TTC28: variants seen among roughly 807,000 people sequenced by gnomAD.
TTC28 encodes the protein tetratricopeptide repeat domain 28, also known as tetratricopeptide repeat protein 28.
A neutral mutation model predicts 198.0 loss-of-function variants in TTC28; 61 were observed. The observed-to-expected ratio is 0.31, with a 90% CI of 0.25 to 0.38. The LOEUF (loss-of-function observed/expected upper bound fraction) is 0.38, where lower values mean the gene tolerates loss of function less well. Among genes scored for constraint, TTC28 ranks in the 10% least tolerant of loss-of-function variants. The probability of loss-of-function intolerance (pLI) is 1.00; values close to 1 mark genes in which losing one functional copy is unlikely to be tolerated. For synonymous variants in TTC28, 1,171 were observed against 1,297.8 expected, an observed-to-expected ratio of 0.90 and a Z score of 2.10; for missense variants, 2,678 against 3,164.0, an observed-to-expected ratio of 0.85 and a Z score of 3.69.
intron 12 of TTC28, among the ~76,000 whole-genome samples, chr22:28,063,848 G>A (rs1940646686): frequency 6.6e-6 from 1 of 152,082 alleles, no homozygotes; most frequent in Non-Finnish European, 1.5e-5. Context: ...CCTAGCATGT[G>A]AGGGAATGGA....
chr22:28,506,937 A>C (rs2048621475), intron 2 of TTC28, among the ~76,000 whole-genome samples: 1 of 152,244 alleles, frequency 6.6e-6, no homozygotes, highest in Non-Finnish European at 1.5e-5. Flanking sequence ...AAAGTAGATA[A>C]ACCCACAAAG....
intron 5 of TTC28, among the ~76,000 whole-genome samples, chr22:28,264,634 C>T (rs1931556527): frequency 1.3e-5 from 2 of 152,048 alleles, no homozygotes; most frequent in African/African-American, 4.8e-5. Flanking sequence ...CGCACACACG[C>T]ATGCACGTGT....
At chr22:28,180,747 T>C (rs1923617358) in intron 5 of TTC28, among the ~76,000 whole-genome samples, 1 of 152,200 alleles carries the variant, frequency 6.6e-6, no homozygotes, top group Non-Finnish European at 1.5e-5. Flanking sequence ...AAAAACTTCC[T>C]GAGTGGGATC....
chr22:28,103,305 G>A (rs1365591760), intron 8 of TTC28, among the ~76,000 whole-genome samples: 6 of 152,186 alleles, frequency 3.9e-5, no homozygotes, highest in Non-Finnish European at 8.8e-5. Context: ...AGAAGAGGAA[G>A]GGCTGGGTGA....
At chr22:28,249,032 G>GT (rs1338988171) in intron 5 of TTC28, among the ~76,000 whole-genome samples, 3 of 152,020 alleles carry the variant, frequency 2.0e-5, no homozygotes, top group Non-Finnish European at 4.4e-5. Flanking sequence ...GATTTGTACT[G>GT]TATTATATAA....
intron 12 of TTC28, among the ~76,000 whole-genome samples, chr22:28,065,200 C>T (rs762760166): frequency 2.0e-5 from 3 of 152,140 alleles, no homozygotes; most frequent in South Asian, 4.1e-4. Flanking sequence ...TATGGACACA[C>T]GTTCTCTTCC....
In TTC28 at chr22:28,046,834, G is replaced by A. The variant is rs560772522; in HGVS notation, c.3933-16468C>T. Among the ~76,000 whole-genome samples the A allele has an allele frequency of 2.6e-5, 4 of 152,318 alleles. No homozygotes were observed. In the East Asian group the frequency reaches 7.7e-4, roughly 29 times the overall value. ...CAATATATACACAGGCTGCATGATT[G>A]TTGTATGTGTGGATATACGTGCATG... is the stretch of plus-strand genomic sequence containing the variant. On this transcript the variant is annotated intron_variant, in intron 12 of 22. Coordinates refer to ENST00000397906, the MANE Select transcript of TTC28 (RefSeq NM_001145418.2).
intron 2 of TTC28, among the ~76,000 whole-genome samples, chr22:28,520,023 G>A (rs1455336519): frequency 6.6e-6 from 1 of 152,146 alleles, no homozygotes; most frequent in African/African-American, 2.4e-5. Flanking sequence ...CTATTTTACA[G>A]TTCTAATATT....
At chr22:28,634,826 C>A (rs1037715406) in intron 1 of TTC28, among the ~76,000 whole-genome samples, 3 of 151,578 alleles carry the variant, frequency 2.0e-5, no homozygotes, top group African/African-American at 7.3e-5. Flanking sequence ...CTCAAGTGAT[C>A]CACCCACCCT....
chr22:28,401,747 C>A (rs190922358), intron 2 of TTC28, among the ~76,000 whole-genome samples: 129 of 152,130 alleles, frequency 8.5e-4, no homozygotes, highest in African/African-American at 2.9e-3. Context: ...CCAGCCTAGG[C>A]AACAAAAGCG....
chr22:28,513,504 T>C (rs1466952639), intron 2 of TTC28, among the ~76,000 whole-genome samples: 1 of 152,172 alleles, frequency 6.6e-6, no homozygotes, highest in African/African-American at 2.4e-5. Flanking sequence ...CTTGGAAGGC[T>C]GAGGCAGGAG....
At chr22:28,175,242 C>G (rs541113648) in intron 5 of TTC28, among the ~76,000 whole-genome samples, 4 of 152,148 alleles carry the variant, frequency 2.6e-5, no homozygotes, top group South Asian at 2.1e-4. Flanking sequence ...GCACAGGCAA[C>G]AAAAGCAAAA....
intron 2 of TTC28, among the ~76,000 whole-genome samples, chr22:28,574,782 T>C (rs185430076): frequency 1.9e-4 from 29 of 152,320 alleles, no homozygotes; most frequent in African/African-American, 6.7e-4. Context: ...AACAATGATG[T>C]TGAACAGCTT....
intron 1 of TTC28, among the ~76,000 whole-genome samples, chr22:28,654,801 A>C (rs2051618618): frequency 6.6e-6 from 1 of 152,214 alleles, no homozygotes; most frequent in African/African-American, 2.4e-5. Context: ...TTTCTAAGCT[A>C]AATGCCCTAA....
chr22:27,982,549 C>T lies in TTC28; in HGVS notation c.7118G>A (p.Gly2373Glu), dbSNP rs1390458295. ...AGCCCCCCGGAAGATCTTCATTGGC[C>T]CTGTGGAATGCTGGGGTGTGCTCTG... ...FWQSTPQHST[G>E]PMKIFRGAPG... is the part of the protein sequence containing the mutation. The change falls in exon 23 of 23, where the codon GGG becomes GAG. Residue 2373 changes from glycine to glutamate, a missense_variant. Gly to Glu is a moderately conservative substitution (Grantham distance 98). Around this residue, in one of 8 missense-constraint regions of TTC28, gnomAD observed 622 missense variants for 656.0 expected, o/e 0.95. Transcript: ENST00000397906. The surrounding 1 kb of genome is among the most constrained non-coding windows in gnomAD (Gnocchi z 5.2). 6.4e-7 allele frequency: 1 copy of T among 1,551,594 alleles called. No individual in the cohort carries two copies. The highest frequency in any genetic ancestry group is 2.0e-5 in the Admixed American group (1 of 50,974).
At chr22:28,508,550 G>T (rs2048643314) in intron 2 of TTC28, among the ~76,000 whole-genome samples, 1 of 152,076 alleles carries the variant, frequency 6.6e-6, no homozygotes, top group African/African-American at 2.4e-5. Context: ...CTCCCAAAGT[G>T]CTGGGATTAC....
chr22:28,167,700 C>G (rs569865347), intron 5 of TTC28, among the ~76,000 whole-genome samples: 106 of 152,210 alleles, frequency 7.0e-4, no homozygotes, highest in Middle Eastern at 3.4e-3. Context: ...TATGGCAAAC[C>G]CACAGCCAAT....
At position 28,629,656 on chromosome 22, in the gene TTC28, T is replaced by C. The variant is rs1457738121; in HGVS notation, c.277A>G (p.Ile93Val). The C allele has an allele frequency of 1.9e-6, 3 of 1,551,600 alleles. No homozygotes were observed. The highest frequency in any genetic ancestry group is 2.6e-6 in the Non-Finnish European group (3 of 1,147,006). The change falls in exon 2 of 23, where the codon ATC becomes GTC. Residue 93 changes from isoleucine (I) to valine (V), a missense_variant. Around this residue, in one of 8 missense-constraint regions of TTC28, gnomAD observed 176 missense variants for 197.9 expected, o/e 0.89. Coordinates refer to ENST00000397906, the MANE Select transcript of TTC28 (RefSeq NM_001145418.2). ...EALAVDPQNC[I>V]LYSNRSAAYM... ...GCTGCAGATCTATTGCTGTATAAGA[T>C]GCAGTTCTGAGGGTCAACAGCCAGG...
chr22:28,534,154 C>A (rs1327985303), intron 2 of TTC28, among the ~76,000 whole-genome samples: 1 of 152,162 alleles, frequency 6.6e-6, no homozygotes. Flanking sequence ...TTTTTGCAAT[C>A]TATCCATCTG....
Sources: allele counts gnomAD v4.1 joint callset (sites outside exome capture counted in the v4.1 genomes callset), GRCh38; gene constraint gnomAD v4.1.1; regional missense constraint gnomAD v4.1.1; non-coding constraint Gnocchi (gnomAD v3.1); transcripts MANE v1.5; gene names NCBI Gene and HGNC (gene_info 2026-07-23, HGNC 2026-07-21).